TACC2: variants seen among roughly 807,000 people sequenced by gnomAD.
TACC2 encodes the protein transforming acidic coiled-coil-containing protein 2.
Under a neutral mutation model 227.3 loss-of-function variants are expected in TACC2, and 137 were observed. The observed-to-expected ratio is 0.60, with a 90% CI of 0.52 to 0.69. TACC2 has a LOEUF of 0.69. Among genes scored for constraint, TACC2 ranks in the 30% least tolerant of loss-of-function variants. The pLI, the probability that TACC2 is intolerant of heterozygous loss-of-function variation, is 0.00. For missense variants in TACC2, 3,470 were observed against 3,694.4 expected (o/e 0.94, Z 1.57); for synonymous variants, 1,523 against 1,487.5 (o/e 1.02, Z -0.55).
intron 6 of TACC2, among the ~76,000 whole-genome samples, chr10:122,139,484 C>CT (rs770344232): frequency 4.6e-5 from 7 of 152,204 alleles, no homozygotes; most frequent in Non-Finnish European, 8.8e-5. Flanking sequence ...GTGGCTGCCT[C>CT]TGAGAGACGC....
chr10:122,084,440 C>G lies in TACC2; in HGVS notation c.1940C>G (p.Pro647Arg), dbSNP rs2079874684. ...GGGGGTGCTGGGCACACGGACGGGC[C>G]CCACTCTCAGACAGCAGAGGCTGAT... ...RKGGAGHTDG[P>R]HSQTAEADAS... Residue 647 changes from proline to arginine, a missense_variant, in exon 4 of 23, where the codon CCC (proline) becomes CGC (arginine). Pro to Arg is a moderately radical substitution (Grantham distance 103, BLOSUM62 -2). Around this residue, in one of 10 missense-constraint regions of TACC2, gnomAD observed 1,924 missense variants for 1,978.3 expected, o/e 0.97. Coordinates refer to ENST00000369005, the MANE Select transcript of TACC2 (RefSeq NM_206862.4). 1.5e-5 allele frequency: 24 copies of G among 1,612,840 alleles called. No homozygotes were observed. Among genetic ancestry groups the G allele is most frequent in the Non-Finnish European group, 2.0e-5 (24 of 1,180,012 alleles).
At chr10:121,994,184 C>A (rs886345302) in intron 1 of TACC2, among the ~76,000 whole-genome samples, 5 of 152,282 alleles carry the variant, frequency 3.3e-5, no homozygotes, top group Admixed American at 2.6e-4. Flanking sequence ...CTAAAGGAGG[C>A]ATATTGACAT....
At chr10:122,172,530 G>A (rs1341808506) in intron 7 of TACC2, among the ~76,000 whole-genome samples, 3 of 152,228 alleles carry the variant, frequency 2.0e-5, no homozygotes, top group African/African-American at 4.8e-5. Flanking sequence ...CTGCGTTAAA[G>A]GGAGGCGCCT....
chr10:122,226,474 T>C lies in TACC2; in HGVS notation c.7717T>C (p.Cys2573Arg), dbSNP rs377342486. 3.7e-6 allele frequency: 6 copies of C among 1,611,740 alleles called. No individual in the cohort carries two copies. Among genetic ancestry groups the C allele is most frequent in the Non-Finnish European group, 5.1e-6 (6 of 1,178,362 alleles). ...CCGCATGTCAGAGTCCCCGACGCCG[T>C]GTTCAGGGTATGACTTCCATGATGA... ...PVRMSESPTP[C>R]SGSSFEETEA... Residue 2573 changes from cysteine to arginine, a missense_variant, in exon 13 of 23, where the codon TGT (cysteine) becomes CGT (arginine). This residue lies in a region of TACC2 where 345 missense variants were observed against 354.4 expected (regional missense o/e 0.97). Transcript: ENST00000369005.
chr10:122,130,954 C>T (rs1029649405), intron 5 of TACC2, among the ~76,000 whole-genome samples: 2 of 152,152 alleles, frequency 1.3e-5, no homozygotes, highest in Non-Finnish European at 2.9e-5. Flanking sequence ...TTTGTGTTCT[C>T]ATGACCATCT....
chr10:122,213,197 C>T (rs956838645), intron 9 of TACC2: 2 of 771,986 alleles, frequency 2.6e-6, no homozygotes, highest in Non-Finnish European at 4.3e-6. Flanking sequence ...AGCTGTTCCC[C>T]AGCAGCTCCT....
In TACC2 at chr10:122,085,510, G is replaced by A. The variant is rs776019343; in HGVS notation, c.3010G>A (p.Gly1004Ser). The A allele has an allele frequency of 5.0e-6, 8 of 1,613,564 alleles. No individual in the cohort carries two copies. The Admixed American group carries it at 1.3e-4, about 27-fold the overall frequency. ...GGCATTGGCTGATGCCTTGGAAGAAGGCAGCCAGCATGAAGAAGCATGTCA... is the reference window on the plus strand; with the variant it reads ...GGCATTGGCTGATGCCTTGGAAGAAAGCAGCCAGCATGAAGAAGCATGTCA... ...QQALADALEE[G>S]SQHEEACQRH... The change falls in exon 4 of 23, where the codon GGC becomes AGC. Residue 1004 changes from glycine (G) to serine (S), a missense_variant. Coordinates refer to ENST00000369005, the MANE Select transcript of TACC2 (RefSeq NM_206862.4).
intron 7 of TACC2, among the ~76,000 whole-genome samples, chr10:122,179,632 A>G (rs1324587287): frequency 2.0e-5 from 3 of 151,292 alleles, no homozygotes; most frequent in African/African-American, 7.4e-5. Context: ...TACAGCTGTC[A>G]GAATGGCCTT....
At chr10:122,223,467 T>G (rs2095562409) in intron 11 of TACC2, among the ~76,000 whole-genome samples, 1 of 152,230 alleles carries the variant, frequency 6.6e-6, no homozygotes, top group South Asian at 2.1e-4. Flanking sequence ...CTCATCTTTA[T>G]TCAGGATGCA....
Position 122,249,154 on chromosome 10 carries a change from C to A in TACC2, c.8658C>A (p.Asp2886Glu), listed in dbSNP as rs1488018630. 2.5e-6 allele frequency: 4 copies of A among 1,607,920 alleles called. No individual in the cohort carries two copies. Among genetic ancestry groups the A allele is most frequent in the Non-Finnish European group, 3.4e-6 (4 of 1,177,734 alleles). The change falls in exon 21 of 23, where the codon GAC (aspartate) becomes GAA (glutamate). Residue 2886 changes from aspartate to glutamate, a missense_variant and splice_region_variant. Asp to Glu is a conservative substitution (Grantham distance 45). This residue lies in a region of TACC2 where 89 missense variants were observed against 91.4 expected (regional missense o/e 0.97). Coordinates refer to ENST00000369005, the MANE Select transcript of TACC2 (RefSeq NM_206862.4). Reference protein sequence around the residue: ...ALKVHAEEKLDRANAEIAQVR... With the variant: ...ALKVHAEEKLERANAEIAQVR... ...AGGTGCACGCGGAGGAGAAACTGGA[C>A]AGGTAACATTTAGCCACTGGGGGTG...
intron 11 of TACC2, among the ~76,000 whole-genome samples, chr10:122,220,496 G>C (rs2095502558): frequency 6.6e-6 from 1 of 152,116 alleles, no homozygotes; most frequent in Non-Finnish European, 1.5e-5. Flanking sequence ...ACACACCCAG[G>C]GTCCCCCCAG....
At chr10:122,155,924 G>A (rs371691517) in intron 7 of TACC2, among the ~76,000 whole-genome samples, 1 of 135,448 alleles carries the variant, frequency 7.4e-6, no homozygotes, top group Non-Finnish European at 1.5e-5. Flanking sequence ...TGCAATCTCC[G>A]CCTCCCGGGC....
At chr10:122,046,291 G>A (rs894449008) in intron 2 of TACC2, among the ~76,000 whole-genome samples, 32 of 151,660 alleles carry the variant, frequency 2.1e-4, no homozygotes, top group African/African-American at 7.7e-4. Flanking sequence ...TGGCTAACAC[G>A]GTGAAACCCC....
chr10:122,216,394 T>A (rs1360635873), intron 10 of TACC2, among the ~76,000 whole-genome samples: 3 of 151,166 alleles, frequency 2.0e-5, no homozygotes, highest in Admixed American at 6.6e-5. Context: ...TTTTTTTTTT[T>A]AAATTCATGG....
Position 122,083,032 on chromosome 10 carries a change from CA to C in TACC2, c.533del (p.Gln178ArgfsTer32). The C allele has an allele frequency of 1.2e-6, 2 of 1,612,504 alleles. No individual in the cohort carries two copies. The highest frequency in any genetic ancestry group is 1.7e-6 in the Non-Finnish European group (2 of 1,179,998). Reference sequence around the variant, plus strand: ...CGTCCCCAGTGCTGGAAGAGAGAGACAGCCGAAGGAAGAAGGACAGAAGTCC... The same window carrying C: ...CGTCCCCAGTGCTGGAAGAGAGAGACGCCGAAGGAAGAAGGACAGAAGTCC... The part of the protein sequence containing the change: ...AAVPSAGRER[Q>X]PKEEGQKSSF... On this transcript the variant is annotated frameshift_variant, in exon 4 of 23. Coordinates refer to ENST00000369005, the MANE Select transcript of TACC2 (RefSeq NM_206862.4). LOFTEE classifies it high-confidence loss of function.
rs183470383 is a variant in TACC2, at chr10:122,048,832, G to A, written c.34-1606G>A. Reference sequence around the variant, plus strand: ...GCAAGGTAGAAAGAAATGAGCTCTTGTGCTGTCTTCAAATGTGTGTTCCAT... The same window carrying A: ...GCAAGGTAGAAAGAAATGAGCTCTTATGCTGTCTTCAAATGTGTGTTCCAT... On this transcript the variant is annotated intron_variant, in intron 2 of 22. Coordinates refer to ENST00000369005, the MANE Select transcript of TACC2 (RefSeq NM_206862.4). 4.1e-3 allele frequency among the ~76,000 whole-genome samples: 623 copies of A among 152,294 alleles called. 3 individuals carry two copies. The highest frequency in any genetic ancestry group is 6.8e-3 in the Middle Eastern group (2 of 294).
intron 10 of TACC2, among the ~76,000 whole-genome samples, chr10:122,216,163 CCT>C (rs2095401392): frequency 6.6e-6 from 1 of 152,124 alleles, no homozygotes; most frequent in African/African-American, 2.4e-5. Context: ...TCTGTCCTGA[CCT>C]CTCTAGGTTC....
intron 1 of TACC2, among the ~76,000 whole-genome samples, chr10:121,996,209 A>G (rs972638292): frequency 1.3e-5 from 2 of 151,812 alleles, no homozygotes; most frequent in African/African-American, 4.8e-5. Flanking sequence ...ACGCACCACC[A>G]CACCTGGCTA....
chr10:122,120,525 C>T (rs1201430391), intron 5 of TACC2, among the ~76,000 whole-genome samples: 1 of 152,112 alleles, frequency 6.6e-6, no homozygotes, highest in African/African-American at 2.4e-5. Context: ...GCTCTCAGCA[C>T]GCCACTCCCT....
Sources: gnomAD v4.1 joint callset for allele counts (sites outside exome capture counted in the v4.1 genomes callset) on GRCh38, gnomAD v4.1.1 for gene constraint, gnomAD v4.1.1 regional missense constraint, MANE v1.5 for transcripts, NCBI Gene and HGNC (gene_info 2026-07-23, HGNC 2026-07-21) for gene names.